The following MNS1 variants were observed in gnomAD, a reference collection of about 807,000 sequenced individuals.
MNS1 encodes meiosis-specific nuclear structural protein 1.
In MNS1, 63 loss-of-function variants were observed where a neutral mutation model predicts 72.0. The observed-to-expected ratio is 0.87, with a 90% CI of 0.71 to 1.08. The LOEUF is 1.08. MNS1 is among the 50% of genes least tolerant of loss of function. The probability of loss-of-function intolerance (pLI) is 0.00; values close to 1 mark genes in which losing one functional copy is unlikely to be tolerated. For missense variants in MNS1, 604 were observed against 562.4 expected (o/e 1.07, Z -0.75); for synonymous variants, 188 against 172.1 (o/e 1.09, Z -0.72).
At chr15:56,443,395 C>G (rs763829243) in intron 7 of MNS1, 35 bp downstream of exon 7, 18 of 1,439,238 alleles carry the variant, frequency 1.3e-5, no homozygotes, top group Non-Finnish European at 1.7e-5. Context: ...ATATTCTTCT[C>G]TACATTAATC....
chr15:56,445,920 C>CT (rs774700720), intron 4 of MNS1: 6 of 152,048 alleles, frequency 3.9e-5, no homozygotes, highest in Non-Finnish European at 8.8e-5. Context: ...AAGGACAGCG[C>CT]TATATGGCTT....
intron 7 of MNS1, among the ~76,000 whole-genome samples, chr15:56,440,216 A>G (rs1428511008): frequency 2.6e-5 from 4 of 152,196 alleles, no homozygotes; most frequent in Non-Finnish European, 5.9e-5. Flanking sequence ...TAAAACTACA[A>G]GGTATCACTA....
intron 3 of MNS1, among the ~76,000 whole-genome samples, chr15:56,453,009 A>G (rs1483731562): frequency 2.0e-5 from 3 of 152,158 alleles, no homozygotes; most frequent in African/African-American, 4.8e-5. Context: ...ATCAATTCCT[A>G]TTATCGTATT....
At chr15:56,450,071 TC>T (rs1409240302) in intron 3 of MNS1, among the ~76,000 whole-genome samples, 1 of 152,202 alleles carries the variant, frequency 6.6e-6, no homozygotes, top group Non-Finnish European at 1.5e-5. Flanking sequence ...ATTATTGCCT[TC>T]CTCCTACCTT....
At chr15:56,437,157 AC>A (rs1170657576) in intron 7 of MNS1, among the ~76,000 whole-genome samples, 12 of 151,902 alleles carry the variant, frequency 7.9e-5, no homozygotes, top group African/African-American at 2.9e-4. Flanking sequence ...CAGAGACACC[AC>A]AAAAAAAAGA....
intron 2 of MNS1, among the ~76,000 whole-genome samples, chr15:56,461,735 G>A (rs2140384263): frequency 6.8e-6 from 1 of 146,782 alleles, no homozygotes; most frequent in South Asian, 2.2e-4. Flanking sequence ...GAGATAATTT[G>A]AGCATCAAAA....
In MNS1 at chr15:56,441,833, T is replaced by C. The variant is rs555381955; in HGVS notation, c.1011+1597A>G. Among the ~76,000 whole-genome samples the C allele has an allele frequency of 2.2e-4, 33 of 151,988 alleles. No homozygotes were observed. The South Asian group carries it at 6.7e-3, about 31-fold the overall frequency. ...ATCGAGACCATCCTGGCTAACACGG[T>C]GAAACCCCATCTCTACTAAAAATAC... On this transcript the variant is annotated intron_variant, in intron 7 of 9. Coordinates refer to ENST00000260453, the MANE Select transcript of MNS1 (RefSeq NM_018365.4).
intron 2 of MNS1, among the ~76,000 whole-genome samples, chr15:56,460,007 A>ATATATATATATAT (rs1555449663): frequency 2.2e-4 from 6 of 27,608 alleles, no homozygotes; most frequent in African/African-American, 4.0e-4. Context: ...AAAAAAAAAA[A>ATATATATATATAT]AAATACATAT....
intron 7 of MNS1, among the ~76,000 whole-genome samples, chr15:56,439,122 T>C (rs915653658): frequency 6.6e-6 from 1 of 152,080 alleles, no homozygotes; most frequent in South Asian, 2.1e-4. Flanking sequence ...CACAAAAATA[T>C]CAATTCACTA....
intron 3 of MNS1, chr15:56,447,230 C>T: frequency 4.8e-6 from 1 of 209,632 alleles, no homozygotes. Context: ...AATACGTCTA[C>T]ATATCATGGA....
chr15:56,433,115 C>A (rs2050642197), intron 8 of MNS1, among the ~76,000 whole-genome samples: 1 of 152,024 alleles, frequency 6.6e-6, no homozygotes. Context: ...TTTGGGTGGA[C>A]AAAATAGAAT....
At chr15:56,461,180 C>CAGA (rs1357897322) in intron 2 of MNS1, among the ~76,000 whole-genome samples, 2 of 152,122 alleles carry the variant, frequency 1.3e-5, no homozygotes, top group African/African-American at 4.8e-5. Context: ...GCTTTATACT[C>CAGA]AGTCTATGGA....
Position 56,443,432 on chromosome 15 carries a change from T to G in MNS1, c.1009A>C (p.Lys337Gln). 1 of 1,561,476 alleles carries G rather than the reference T, an allele frequency of 6.4e-7. No individual in the cohort carries two copies. The highest frequency in any genetic ancestry group is 8.6e-7 in the Non-Finnish European group (1 of 1,161,946). The change falls in exon 7 of 10, where the codon AAA becomes CAA. Residue 337 changes from lysine to glutamine, a missense_variant and splice_region_variant. Coordinates refer to ENST00000260453, the MANE Select transcript of MNS1 (RefSeq NM_018365.4). The part of the protein sequence containing the change: ...EQAEIYKSKL[K>Q]EEAEKKLRKQ... ...TTCTTTCCATTTCTGAAACTTACTT[T>G]TAGCTTGCTCTTATATATTTCAGCT...
intron 7 of MNS1, among the ~76,000 whole-genome samples, chr15:56,439,285 G>A (rs2050779977): frequency 6.6e-6 from 1 of 152,024 alleles, no homozygotes; most frequent in African/African-American, 2.4e-5. Flanking sequence ...AATAAAGGGA[G>A]AGCCAAATTG....
intron 3 of MNS1, among the ~76,000 whole-genome samples, chr15:56,448,751 CTT>C (rs34366643): frequency 3.7e-4 from 44 of 117,660 alleles, no homozygotes; most frequent in Admixed American, 4.5e-4. Context: ...TTTTTAGATT[CTT>C]TTTTTTTTTT....
intron 2 of MNS1, among the ~76,000 whole-genome samples, chr15:56,459,990 C>CAAAAA (rs150132300): frequency 0.033 from 365 of 11,068 alleles, 91 homozygotes; most frequent in Non-Finnish European, 0.049. Context: ...AATTCTGTCT[C>CAAAAA]AAAAAAAAAA....
intron 8 of MNS1, among the ~76,000 whole-genome samples, 198 bp from the exon 9 acceptor site, chr15:56,431,696 A>G (rs1282121496): frequency 5.3e-5 from 8 of 151,996 alleles, no homozygotes; most frequent in Non-Finnish European, 1.0e-4. Context: ...TTTTACTGTC[A>G]TTATTCCTTT....
At chr15:56,448,016 G>C (rs2050920532) in intron 3 of MNS1, among the ~76,000 whole-genome samples, 1 of 152,090 alleles carries the variant, frequency 6.6e-6, no homozygotes, top group Non-Finnish European at 1.5e-5. Flanking sequence ...TAAGATTATA[G>C]ATATCCACTC....
At chr15:56,457,317 A>G (rs1455611480) in intron 2 of MNS1, among the ~76,000 whole-genome samples, 2 of 152,204 alleles carry the variant, frequency 1.3e-5, no homozygotes, top group Non-Finnish European at 2.9e-5. Context: ...TCAGTATCTA[A>G]TAAAAACACA....
Sources: allele counts gnomAD v4.1 joint callset (sites outside exome capture counted in the v4.1 genomes callset), GRCh38; gene constraint gnomAD v4.1.1; transcripts MANE v1.5; gene names NCBI Gene and HGNC (gene_info 2026-07-23, HGNC 2026-07-21).